TENM4: variants seen among roughly 807,000 people sequenced by gnomAD.
The protein encoded by TENM4 is teneurin transmembrane protein 4.
Under a neutral mutation model 243.3 loss-of-function variants are expected in TENM4, and 82 were observed. That is an observed-to-expected ratio of 0.34 (90% CI 0.28 to 0.40). The LOEUF (loss-of-function observed/expected upper bound fraction) is 0.40. Among genes scored for constraint, TENM4 ranks in the 10% least tolerant of loss-of-function variants. The pLI is 1.00. For missense variants in TENM4, 3,138 were observed against 3,673.3 expected (o/e 0.85, Z 3.77); for synonymous variants, 1,412 against 1,456.3 (o/e 0.97, Z 0.69).
chr11:79,380,787 T>C (rs1857985515), intron 1 of TENM4, among the ~76,000 whole-genome samples: 1 of 152,166 alleles, frequency 6.6e-6, no homozygotes, highest in Non-Finnish European at 1.5e-5. Context: ...GGAAAGGCAA[T>C]AGAACCATTA....
chr11:78,671,890 C>A lies in TENM4; in HGVS notation c.5793+143G>T, dbSNP rs992690013. On this transcript the variant is annotated intron_variant, in intron 31 of 33. Transcript: ENST00000278550. ...TCCTGATGCCTCTTGGGACCCCATGCCCTCTGTGGCAGACTTTCCTGAACA... is the reference window on the plus strand; with the variant it reads ...TCCTGATGCCTCTTGGGACCCCATGACCTCTGTGGCAGACTTTCCTGAACA... 9 of 1,095,788 alleles carry A rather than the reference C, an allele frequency of 8.2e-6. No homozygotes were observed. The East Asian group carries it at 1.8e-4, about 22-fold the overall frequency. 67.9% of individuals were successfully genotyped at this position (1,095,788 alleles called of 1,614,324 possible).
intron 6 of TENM4, among the ~76,000 whole-genome samples, chr11:79,045,745 A>G (rs777475419): frequency 6.6e-6 from 1 of 151,772 alleles, no homozygotes; most frequent in Non-Finnish European, 1.5e-5. Flanking sequence ...TTTAAATTAG[A>G]AAAAGCCCCC....
chr11:79,049,590 T>C (rs971734639), intron 6 of TENM4, among the ~76,000 whole-genome samples: 1 of 152,238 alleles, frequency 6.6e-6, no homozygotes, highest in African/African-American at 2.4e-5. Flanking sequence ...CCTGAGAACC[T>C]GGCTGGTAAA....
chr11:79,362,476 T>C (rs1857606866), intron 1 of TENM4, among the ~76,000 whole-genome samples: 1 of 152,240 alleles, frequency 6.6e-6, no homozygotes, highest in African/African-American at 2.4e-5. Context: ...GGTTTTATGA[T>C]GCACAGAGCA....
intron 15 of TENM4, among the ~76,000 whole-genome samples, chr11:78,803,754 G>T (rs550285843): frequency 6.6e-6 from 1 of 152,174 alleles, no homozygotes; most frequent in Non-Finnish European, 1.5e-5. Flanking sequence ...AGTGCAAGAC[G>T]CAGTTATATA....
intron 21 of TENM4, among the ~76,000 whole-genome samples, chr11:78,730,829 G>A (rs985039863): frequency 6.6e-6 from 1 of 152,162 alleles, no homozygotes. Context: ...CTGAACACAG[G>A]AAATTTTAGG....
chr11:78,792,718 C>T (rs636185), intron 15 of TENM4, among the ~76,000 whole-genome samples: 86,338 of 152,026 alleles, frequency 0.57, 27,095 homozygotes, highest in Non-Finnish European at 0.71. Flanking sequence ...TCGGTTGATG[C>T]GACTCTATCT....
intron 25 of TENM4, among the ~76,000 whole-genome samples, chr11:78,714,642 C>T (rs1281296742): frequency 6.6e-6 from 1 of 152,214 alleles, no homozygotes; most frequent in Non-Finnish European, 1.5e-5. Context: ...TGCCCCTGCA[C>T]AAATCCCAGC....
chr11:78,837,459 CTAA>C (rs1255143827), intron 12 of TENM4, among the ~76,000 whole-genome samples: 2 of 152,174 alleles, frequency 1.3e-5, no homozygotes, highest in African/African-American at 4.8e-5. Flanking sequence ...TGAAAACAAA[CTAA>C]TACATTTTCA....
chr11:79,248,516 G>A (rs970353673), intron 2 of TENM4, among the ~76,000 whole-genome samples: 10 of 152,162 alleles, frequency 6.6e-5, no homozygotes, highest in Admixed American at 3.3e-4. Flanking sequence ...CAACTGTGTC[G>A]GTAATTTCAT....
At chr11:79,133,979 A>G (rs768771586) in intron 4 of TENM4, among the ~76,000 whole-genome samples, 1 of 152,226 alleles carries the variant, frequency 6.6e-6, no homozygotes, top group Middle Eastern at 3.4e-3. Context: ...TCAACACAAC[A>G]CTGGAATTCC....
intron 7 of TENM4, among the ~76,000 whole-genome samples, chr11:78,892,056 G>A (rs1191811405): frequency 4.6e-5 from 7 of 152,142 alleles, no homozygotes; most frequent in Admixed American, 6.5e-5. Context: ...GTCCTTTAGC[G>A]GTGCAGGGAC....
At chr11:78,895,204 C>T (rs192131620) in intron 7 of TENM4, among the ~76,000 whole-genome samples, 22 of 151,744 alleles carry the variant, frequency 1.4e-4, no homozygotes, top group Middle Eastern at 6.8e-3. Flanking sequence ...GGCACGGTGG[C>T]GGGTGCCTGT....
At chr11:79,158,946 T>C (rs917122859) in intron 3 of TENM4, among the ~76,000 whole-genome samples, 3 of 152,176 alleles carry the variant, frequency 2.0e-5, no homozygotes, top group African/African-American at 7.2e-5. Flanking sequence ...CCCTAGTATA[T>C]GGTAGACATG....
At chr11:78,796,997 A>G (rs1055160041) in intron 15 of TENM4, among the ~76,000 whole-genome samples, 1 of 152,194 alleles carries the variant, frequency 6.6e-6, no homozygotes, top group Non-Finnish European at 1.5e-5. Flanking sequence ...TAGTACACCA[A>G]AGTCATGATC....
At chr11:79,124,891 ATATGTGTG>A (rs1176017811) in intron 4 of TENM4, among the ~76,000 whole-genome samples, 1,833 of 57,852 alleles carry the variant, frequency 0.032, 18 homozygotes, top group Non-Finnish European at 0.049. Flanking sequence ...ATGTATATGT[ATATGTGTG>A]TGTGTGTGTG....
chr11:78,747,128 T>C (rs1251859297), intron 19 of TENM4, among the ~76,000 whole-genome samples: 1 of 152,188 alleles, frequency 6.6e-6, no homozygotes, highest in African/African-American at 2.4e-5. Context: ...GAAATAATAA[T>C]TCAAAGGATG....
chr11:78,759,626 G>C (rs1856387749), intron 18 of TENM4, among the ~76,000 whole-genome samples: 1 of 152,188 alleles, frequency 6.6e-6, no homozygotes, highest in East Asian at 1.9e-4. Context: ...CCTGGGGGAA[G>C]GTTAGCCAGG....
At chr11:79,350,878 C>T (rs558297496) in intron 1 of TENM4, among the ~76,000 whole-genome samples, 1 of 152,232 alleles carries the variant, frequency 6.6e-6, no homozygotes, top group South Asian at 2.1e-4. Flanking sequence ...GCTCAGAACC[C>T]TCCAATTACC....
Sources: allele counts gnomAD v4.1 joint callset (sites outside exome capture counted in the v4.1 genomes callset), GRCh38; gene constraint gnomAD v4.1.1; transcripts MANE v1.5; gene names NCBI Gene and HGNC (gene_info 2026-07-23, HGNC 2026-07-21).